TRPM3: variants seen among roughly 807,000 people sequenced by gnomAD.
The protein encoded by TRPM3 is long transient receptor potential channel 3.
In TRPM3, 77 loss-of-function variants were observed where a neutral mutation model predicts 181.2. That is an observed-to-expected ratio of 0.42 (90% CI 0.35 to 0.51). The LOEUF (loss-of-function observed/expected upper bound fraction) is 0.51, where lower values mean the gene tolerates loss of function less well. Ranked by LOEUF, TRPM3 falls within the 20% of genes least tolerant of loss-of-function variation. TRPM3 has a pLI of 0.01. For synonymous variants in TRPM3, 745 were observed against 796.4 expected (o/e 0.94, Z 1.09); for missense variants, 1,759 against 2,196.7 (o/e 0.80, Z 3.98).
At chr9:70,832,657 A>G (rs7855869) in intron 5 of TRPM3, among the ~76,000 whole-genome samples, 80,340 of 151,924 alleles carry the variant, frequency 0.53, 21,872 homozygotes, top group Non-Finnish European at 0.56. Flanking sequence ...CTATGACACA[A>G]CCTTCAGTCA....
chr9:71,350,467 T>C (rs142331401), intron 1 of TRPM3, among the ~76,000 whole-genome samples: 2 of 152,328 alleles, frequency 1.3e-5, no homozygotes, highest in East Asian at 3.9e-4. Flanking sequence ...CTAAATACAA[T>C]AGGTGGATCG....
intron 1 of TRPM3, among the ~76,000 whole-genome samples, chr9:70,943,346 A>T (rs1472179087): frequency 3.3e-5 from 5 of 152,360 alleles, no homozygotes; most frequent in Admixed American, 3.3e-4. Flanking sequence ...TGAATGTATG[A>T]ATGCCATTGC....
chr9:70,579,935 T>C (rs750428430), intron 22 of TRPM3, among the ~76,000 whole-genome samples: 6 of 152,220 alleles, frequency 3.9e-5, no homozygotes, highest in Admixed American at 1.3e-4. Flanking sequence ...ACCTCACGCA[T>C]GCTGAGCCAT....
At chr9:71,112,309 T>C (rs1288511622) in intron 1 of TRPM3, among the ~76,000 whole-genome samples, 2 of 152,234 alleles carry the variant, frequency 1.3e-5, no homozygotes, top group African/African-American at 4.8e-5. Context: ...AGATAATTTT[T>C]ATCTCTCACT....
chr9:71,251,610 G>A (rs921763226), intron 1 of TRPM3, among the ~76,000 whole-genome samples: 3 of 151,830 alleles, frequency 2.0e-5, no homozygotes, highest in East Asian at 1.9e-4. Flanking sequence ...GTATATATAT[G>A]GGGCACATGA....
rs77838107 is a variant in TRPM3, at chr9:70,622,072, G to A, written c.1810-799C>T. ...ACTTTCTGGGAGGTGATTAGATCAA[G>A]AGAGAAGAAACCTCAGGAATGGGAT... On this transcript the variant is annotated intron_variant, in intron 14 of 25. Coordinates refer to ENST00000677713, the MANE Select transcript of TRPM3 (RefSeq NM_001366145.2). Among the ~76,000 whole-genome samples, 909 of 152,230 alleles carry A rather than the reference G, an allele frequency of 6.0e-3. 27 individuals are homozygous for A. The East Asian group carries it at 0.11, about 18-fold the overall frequency.
chr9:71,211,020 A>G (rs1446752264), intron 1 of TRPM3, among the ~76,000 whole-genome samples: 1 of 152,132 alleles, frequency 6.6e-6, no homozygotes, highest in Non-Finnish European at 1.5e-5. Context: ...TGCAGGCCCT[A>G]TTTCCAAATA....
intron 1 of TRPM3, among the ~76,000 whole-genome samples, chr9:71,046,542 T>C (rs1433698041): frequency 1.3e-5 from 2 of 152,338 alleles, no homozygotes; most frequent in East Asian, 3.9e-4. Flanking sequence ...CTGCTTCAGA[T>C]AGCCCTCCAA....
chr9:71,022,881 T>A (rs1178484152), intron 1 of TRPM3, among the ~76,000 whole-genome samples: 1 of 152,054 alleles, frequency 6.6e-6, no homozygotes, highest in African/African-American at 2.4e-5. Flanking sequence ...ATATGTAAAA[T>A]TTAAAACTAT....
intron 7 of TRPM3, among the ~76,000 whole-genome samples, chr9:70,765,632 T>C (rs2078967876): frequency 6.6e-6 from 1 of 152,094 alleles, no homozygotes; most frequent in Non-Finnish European, 1.5e-5. Flanking sequence ...TATATTTACT[T>C]CTAATTTTTC....
In TRPM3 at chr9:71,153,726, T is replaced by A. The variant is rs1006878267; in HGVS notation, c.184-289215A>T. Among the ~76,000 whole-genome samples, 6 of 152,144 alleles carry A rather than the reference T, an allele frequency of 3.9e-5. 1 individual carries two copies. The South Asian group carries it at 1.2e-3, about 32-fold the overall frequency. Reference sequence around the variant, plus strand: ...CGTTCTGTCACTTATCCTAAACCCTTTGCTCATAAATAGCAGAGTGATTTG... The same window carrying A: ...CGTTCTGTCACTTATCCTAAACCCTATGCTCATAAATAGCAGAGTGATTTG... On this transcript the variant is annotated intron_variant, in intron 1 of 24. Transcript: ENST00000357533.
chr9:71,066,552 C>G (rs562708630), intron 1 of TRPM3, among the ~76,000 whole-genome samples: 31 of 151,902 alleles, frequency 2.0e-4, no homozygotes, highest in African/African-American at 6.5e-4. Context: ...TGTTTTAATA[C>G]TGTTTTGCAA....
At chr9:71,173,558 G>A (rs1165147348) in intron 1 of TRPM3, among the ~76,000 whole-genome samples, 2 of 152,200 alleles carry the variant, frequency 1.3e-5, no homozygotes, top group Non-Finnish European at 2.9e-5. Context: ...TGCAAGTGCT[G>A]CCACTACATT....
At chr9:70,770,662 C>T (rs1024938854) in intron 7 of TRPM3, among the ~76,000 whole-genome samples, 2 of 152,120 alleles carry the variant, frequency 1.3e-5, no homozygotes. Flanking sequence ...GTTATTTGAT[C>T]TCTTTAAGCC....
intron 1 of TRPM3, among the ~76,000 whole-genome samples, chr9:71,264,231 G>A (rs895706592): frequency 1.3e-5 from 2 of 152,104 alleles, no homozygotes; most frequent in African/African-American, 4.8e-5. Context: ...CACAAAAAGG[G>A]CCAAGAGCTG....
At chr9:71,436,008 G>C (rs1297965711) in intron 1 of TRPM3, among the ~76,000 whole-genome samples, 1 of 152,190 alleles carries the variant, frequency 6.6e-6, no homozygotes, top group African/African-American at 2.4e-5. Context: ...AACTTGAATT[G>C]TATCTCCCAG....
intron 1 of TRPM3, among the ~76,000 whole-genome samples, chr9:70,984,332 T>G (rs916128960): frequency 1.3e-5 from 2 of 152,130 alleles, no homozygotes; most frequent in Admixed American, 6.6e-5. Context: ...TTAACAGAAG[T>G]TCTATAATTT....
chr9:71,418,095 G>T (rs150408153), intron 1 of TRPM3, among the ~76,000 whole-genome samples: 298 of 151,870 alleles, frequency 2.0e-3, no homozygotes, highest in African/African-American at 7.1e-3. Context: ...CTTCAATAGT[G>T]TGCTTTAAAA....
intron 1 of TRPM3, among the ~76,000 whole-genome samples, chr9:71,318,958 C>T (rs1327730112): frequency 6.6e-6 from 1 of 151,992 alleles, no homozygotes; most frequent in Non-Finnish European, 1.5e-5. Flanking sequence ...CAACTACAGG[C>T]TGCTTTCTGT....
Sources: allele counts gnomAD v4.1 joint callset (sites outside exome capture counted in the v4.1 genomes callset), GRCh38; gene constraint gnomAD v4.1.1; transcripts MANE v1.5; gene names NCBI Gene and HGNC (gene_info 2026-07-23, HGNC 2026-07-21).